The following REV1 variants were observed in gnomAD, a reference collection of about 807,000 sequenced individuals.
REV1 encodes translesion synthesis protein REV1.
A neutral mutation model predicts 137.4 loss-of-function variants in REV1; 42 were observed. That is an observed-to-expected ratio of 0.31 (90% confidence interval 0.24 to 0.40). REV1 has a LOEUF of 0.40. Among genes scored for constraint, REV1 ranks in the 10% least tolerant of loss-of-function variants. REV1 has a pLI of 1.00. For synonymous variants in REV1, 524 were observed against 519.2 expected, an observed-to-expected ratio of 1.01 and a Z score of -0.12; for missense variants, 1,282 against 1,490.1, an observed-to-expected ratio of 0.86 and a Z score of 2.30.
At position 99,438,599 on chromosome 2, in the gene REV1, A is replaced by C. The variant is rs753755586; in HGVS notation, c.1213+2T>G. 1 of 1,603,370 alleles carries C rather than the reference A, an allele frequency of 6.2e-7. No individual in the cohort carries two copies. On this transcript the variant is annotated splice_donor_variant, in intron 6 of 22. Coordinates refer to ENST00000258428, the MANE Select transcript of REV1 (RefSeq NM_016316.4). LOFTEE classifies it high-confidence loss of function. ...AAGAAGACAATTTTAATAAGTATCTACCTGTGTCAGTTACAACAAGTGCAG... is the reference window on the plus strand; with the variant it reads ...AAGAAGACAATTTTAATAAGTATCTCCCTGTGTCAGTTACAACAAGTGCAG...
chr2:99,434,932 C>A (rs1680552820), intron 7 of REV1, among the ~76,000 whole-genome samples: 1 of 152,170 alleles, frequency 6.6e-6, no homozygotes, highest in Admixed American at 6.5e-5. Flanking sequence ...TACAGCCCCT[C>A]AATTTTTGCT....
chr2:99,483,639 T>C (rs1268562204), intron 1 of REV1, among the ~76,000 whole-genome samples: 1 of 152,252 alleles, frequency 6.6e-6, no homozygotes. Context: ...ACAAAATTTT[T>C]TTCTATTATG....
rs544471707 is a variant in REV1, at chr2:99,408,197, A to G, written c.2346-66T>C. 70 of 852,154 alleles carry G rather than the reference A, an allele frequency of 8.2e-5. No homozygotes were observed. In the African/African-American group the frequency reaches 1.1e-3, roughly 13 times the overall value. The allele number at this position is 852,154 out of a possible 1,614,324, so 52.8% of individuals were successfully genotyped here. ...ATGTATTCACTAGTACTAAAGTAGT[A>G]TGGAACTGTTTAAAAGAGTTATAGA... On this transcript the variant is annotated intron_variant, in intron 14 of 22. Coordinates refer to ENST00000258428, the MANE Select transcript of REV1 (RefSeq NM_016316.4).
chr2:99,412,745 T>G lies in REV1; in HGVS notation c.2158A>C (p.Ile720Leu), dbSNP rs141811988. The G allele has an allele frequency of 2.5e-5, 40 of 1,613,426 alleles. No homozygotes were observed. The highest frequency in any genetic ancestry group is 9.9e-5 in the South Asian group (9 of 91,076). ...KSVSAEINYG[I>L]RFTQPKEAEA... The stretch of plus-strand genomic sequence containing the variant: ...ATGATCAGTACCTGAGTAAACCTTA[T>G]TCCATAGTTGATCTCAGCTGAAACA... The change falls in exon 13 of 23, where the codon ATA becomes CTA. Residue 720 changes from isoleucine (I) to leucine (L), a missense_variant. Ile to Leu is a conservative substitution (Grantham distance 5). Around this residue, in one of 7 missense-constraint regions of REV1, gnomAD observed 372 missense variants for 482.3 expected, o/e 0.77. Transcript: ENST00000258428.
chr2:99,470,829 T>C (rs948897595), intron 1 of REV1, among the ~76,000 whole-genome samples: 1 of 152,204 alleles, frequency 6.6e-6, no homozygotes, highest in African/African-American at 2.4e-5. Context: ...TTCGGTGTAC[T>C]CTCATGGCAA....
Position 99,421,470 on chromosome 2 carries a change from T to C in REV1, c.1831+29A>G, listed in dbSNP as rs1179060962. On this transcript the variant is annotated intron_variant, in intron 11 of 22. Coordinates refer to ENST00000258428, the MANE Select transcript of REV1 (RefSeq NM_016316.4). The stretch of plus-strand genomic sequence containing the variant: ...TATTCAAGAATCTCAAAGCAACTCT[T>C]TTGAGTACAAGATAAGCTAGATACT... The C allele has an allele frequency of 3.2e-6, 5 of 1,582,322 alleles. No homozygotes were observed. The African/African-American group carries it at 5.4e-5, about 17-fold the overall frequency.
At chr2:99,413,075 A>C in intron 12 of REV1, 124 bp from the exon 13 acceptor site, 1 of 714,158 alleles carries the variant, frequency 1.4e-6, no homozygotes, top group South Asian at 1.9e-5. Context: ...TCTTTAGGCA[A>C]CATAACTGAA....
intron 9 of REV1, among the ~76,000 whole-genome samples, chr2:99,428,964 C>G (rs558247663): frequency 6.7e-6 from 1 of 148,784 alleles, no homozygotes; most frequent in Admixed American, 6.7e-5. Context: ...TGCACTCCAG[C>G]CTGGGTGACA....
intron 3 of REV1, among the ~76,000 whole-genome samples, chr2:99,453,825 G>C (rs558720668): frequency 6.8e-6 from 1 of 146,594 alleles, no homozygotes; most frequent in Non-Finnish European, 1.5e-5. Flanking sequence ...CCTGGGAGGC[G>C]GAGGTTACAG....
intron 2 of REV1, 30 bp from the exon 3 acceptor site, chr2:99,462,652 C>T (rs1684353236): frequency 6.3e-7 from 1 of 1,575,670 alleles, no homozygotes; most frequent in African/African-American, 1.4e-5. Flanking sequence ...AAACCAATCA[C>T]AAAGGTTACA....
intron 1 of REV1, among the ~76,000 whole-genome samples, chr2:99,482,485 G>A (rs1686708622): frequency 6.6e-6 from 1 of 152,198 alleles, no homozygotes; most frequent in Non-Finnish European, 1.5e-5. Flanking sequence ...GGAGTTTGTA[G>A]CTAATATAAG....
chr2:99,469,550 A>G (rs928958370), intron 1 of REV1, among the ~76,000 whole-genome samples: 1 of 152,204 alleles, frequency 6.6e-6, no homozygotes, highest in Non-Finnish European at 1.5e-5. Flanking sequence ...GTTAAGGCAA[A>G]TGGGAGAGCA....
At chr2:99,405,048 A>G (rs963617177) in intron 17 of REV1, among the ~76,000 whole-genome samples, 2 of 152,254 alleles carry the variant, frequency 1.3e-5, no homozygotes, top group African/African-American at 4.8e-5. Context: ...CCTGAGGCAC[A>G]TGTTAAAATT....
intron 1 of REV1, among the ~76,000 whole-genome samples, chr2:99,470,037 C>T (rs923216747): frequency 4.4e-4 from 66 of 151,630 alleles, no homozygotes; most frequent in Admixed American, 2.8e-3. Flanking sequence ...AGGAGAATGG[C>T]GTGAACCCGG....
At chr2:99,454,139 G>C (rs1333413862) in intron 3 of REV1, among the ~76,000 whole-genome samples, 1 of 151,392 alleles carries the variant, frequency 6.6e-6, no homozygotes, top group African/African-American at 2.4e-5. Flanking sequence ...CTTGTAATTT[G>C]AAAGATTTGG....
intron 1 of REV1, among the ~76,000 whole-genome samples, chr2:99,478,202 A>C (rs1559418165): frequency 6.6e-6 from 1 of 152,220 alleles, no homozygotes; most frequent in Non-Finnish European, 1.5e-5. Flanking sequence ...ACACCACTGC[A>C]CTGGCCAACA....
chr2:99,465,910 C>T (rs879521277), intron 1 of REV1, among the ~76,000 whole-genome samples: 4 of 152,154 alleles, frequency 2.6e-5, no homozygotes, highest in Non-Finnish European at 5.9e-5. Context: ...ACCCCACACA[C>T]ATTAGCAGAT....
At chr2:99,412,257 C>CAAAA (rs1160440580) in intron 13 of REV1, among the ~76,000 whole-genome samples, 1 of 53,026 alleles carries the variant, frequency 1.9e-5, no homozygotes, top group Non-Finnish European at 3.4e-5. Context: ...GACTCCATCT[C>CAAAA]AAAAAAAAAA....
chr2:99,426,107 A>G (rs994893870), intron 9 of REV1, among the ~76,000 whole-genome samples: 4 of 151,916 alleles, frequency 2.6e-5, no homozygotes, highest in Non-Finnish European at 5.9e-5. Context: ...GCACTTTGGG[A>G]GGCCGAGGTG....
Sources: gnomAD v4.1 joint callset for allele counts (sites outside exome capture counted in the v4.1 genomes callset) on GRCh38, gnomAD v4.1.1 for gene constraint, gnomAD v4.1.1 regional missense constraint, MANE v1.5 for transcripts, NCBI Gene and HGNC (gene_info 2026-07-23, HGNC 2026-07-21) for gene names.